Variants in UNC5D observed in about 807,000 individuals in gnomAD.
UNC5D encodes netrin receptor UNC5D.
Under a neutral mutation model 105.4 loss-of-function variants are expected in UNC5D, and 39 were observed. The ratio of observed to expected loss-of-function variants is 0.37; its 90% CI spans 0.29 to 0.48. The LOEUF (loss-of-function observed/expected upper bound fraction) is 0.48, where lower values mean the gene tolerates loss of function less well. Ranked by LOEUF, UNC5D falls within the 20% of genes least tolerant of loss-of-function variation. UNC5D has a pLI of 0.98. For missense variants in UNC5D, 991 were observed against 1,202.4 expected (o/e 0.82, Z 2.60); for synonymous variants, 452 against 450.4 (o/e 1.00, Z -0.04).
intron 1 of UNC5D, among the ~76,000 whole-genome samples, chr8:35,283,043 C>T (rs1806308611): frequency 6.6e-6 from 1 of 152,068 alleles, no homozygotes; most frequent in African/African-American, 2.4e-5. Context: ...GAAATGTGAT[C>T]AACACAAACA....
chr8:35,731,225 C>G, intron 11 of UNC5D, 129 bp downstream of exon 11: 1 of 768,882 alleles, frequency 1.3e-6, no homozygotes, highest in South Asian at 1.7e-5. Flanking sequence ...ATGGCGAAAG[C>G]CTGTCTCTAC....
At chr8:35,405,526 G>T (rs569857273) in intron 1 of UNC5D, among the ~76,000 whole-genome samples, 2 of 152,288 alleles carry the variant, frequency 1.3e-5, no homozygotes, top group Admixed American at 1.3e-4. Flanking sequence ...AATTGGAAAT[G>T]ATTAATTTGC....
intron 8 of UNC5D, 110 bp downstream of exon 8, chr8:35,706,071 C>A (rs1827558616): frequency 1.5e-6 from 1 of 658,378 alleles, no homozygotes; most frequent in Non-Finnish European, 2.4e-6. Context: ...AGATCCAGGG[C>A]TTTCGAGGCC....
At chr8:35,339,199 C>A (rs994754863) in intron 1 of UNC5D, among the ~76,000 whole-genome samples, 3 of 152,054 alleles carry the variant, frequency 2.0e-5, no homozygotes, top group Non-Finnish European at 4.4e-5. Flanking sequence ...TCCTTCCTTC[C>A]CTATTGAGAG....
chr8:35,396,254 G>A (rs145426346), intron 1 of UNC5D, among the ~76,000 whole-genome samples: 10 of 152,060 alleles, frequency 6.6e-5, no homozygotes, highest in African/African-American at 1.2e-4. Context: ...AGGACTCAGC[G>A]TATGGTTGTA....
chr8:35,582,645 A>G (rs1818536355), intron 3 of UNC5D, among the ~76,000 whole-genome samples: 1 of 152,204 alleles, frequency 6.6e-6, no homozygotes, highest in Non-Finnish European at 1.5e-5. Flanking sequence ...GGATGAGGGA[A>G]GAACCAAAAA....
At chr8:35,736,919 G>T (rs1829498614) in intron 11 of UNC5D, among the ~76,000 whole-genome samples, 1 of 152,172 alleles carries the variant, frequency 6.6e-6, no homozygotes, top group Admixed American at 6.5e-5. Flanking sequence ...AGGGGTGAGT[G>T]AGGCTTAAGT....
At chr8:35,576,838 C>T (rs531354745) in intron 3 of UNC5D, among the ~76,000 whole-genome samples, 1 of 152,298 alleles carries the variant, frequency 6.6e-6, no homozygotes, top group Non-Finnish European at 1.5e-5. Flanking sequence ...TGGTCTCGAT[C>T]TCCTGACCTC....
At chr8:35,360,858 C>T (rs1285205384) in intron 1 of UNC5D, among the ~76,000 whole-genome samples, 1 of 152,068 alleles carries the variant, frequency 6.6e-6, no homozygotes, top group African/African-American at 2.4e-5. Flanking sequence ...TAGTTTAAAA[C>T]TCCTACTGTG....
At chr8:35,410,470 A>C (rs1805093878) in intron 1 of UNC5D, among the ~76,000 whole-genome samples, 1 of 152,062 alleles carries the variant, frequency 6.6e-6, no homozygotes, top group Non-Finnish European at 1.5e-5. Context: ...TGTTTTTAAA[A>C]AGGTCCTCTC....
intron 3 of UNC5D, among the ~76,000 whole-genome samples, chr8:35,584,745 G>A (rs1037323698): frequency 2.0e-5 from 3 of 151,860 alleles, no homozygotes; most frequent in Non-Finnish European, 2.9e-5. Context: ...GACACCATGC[G>A]TGACCCTAAC....
chr8:35,288,057 A>G (rs1358395521), intron 1 of UNC5D, among the ~76,000 whole-genome samples: 1 of 151,938 alleles, frequency 6.6e-6, no homozygotes, highest in East Asian at 1.9e-4. Context: ...TTAAGAAAAT[A>G]ATGGCTGAAA....
At chr8:35,586,875 A>G (rs1165483086) in intron 3 of UNC5D, among the ~76,000 whole-genome samples, 3 of 152,190 alleles carry the variant, frequency 2.0e-5, no homozygotes, top group Non-Finnish European at 4.4e-5. Flanking sequence ...GGTGTTGCTG[A>G]GCTGCAAAGA....
intron 1 of UNC5D, among the ~76,000 whole-genome samples, chr8:35,496,963 A>G (rs1317337817): frequency 6.6e-6 from 1 of 152,230 alleles, no homozygotes; most frequent in African/African-American, 2.4e-5. Context: ...CCCATCCTAC[A>G]TTCATGACTG....
chr8:35,401,708 C>T (rs1471818792), intron 1 of UNC5D, among the ~76,000 whole-genome samples: 2 of 152,126 alleles, frequency 1.3e-5, no homozygotes, highest in African/African-American at 2.4e-5. Context: ...AATAAAGAGA[C>T]GTCTTACTAA....
chr8:35,541,736 T>C (rs1036035694), intron 1 of UNC5D, among the ~76,000 whole-genome samples: 1 of 152,200 alleles, frequency 6.6e-6, no homozygotes, highest in Non-Finnish European at 1.5e-5. Context: ...TTATTATTTA[T>C]CTCTATTTTT....
At chr8:35,237,498 T>C (rs1246737798) in intron 1 of UNC5D, among the ~76,000 whole-genome samples, 3 of 152,100 alleles carry the variant, frequency 2.0e-5, no homozygotes, top group African/African-American at 7.2e-5. Flanking sequence ...TACTCACCCT[T>C]GGAATTGGGT....
chr8:35,544,638 T>G, intron 1 of UNC5D: 1 of 1,390,760 alleles, frequency 7.2e-7, no homozygotes, highest in Non-Finnish European at 9.6e-7. Flanking sequence ...AGTCTCAGTC[T>G]TTCACTCAGG....
chr8:35,611,144 A>G (rs1820654114), intron 4 of UNC5D, among the ~76,000 whole-genome samples: 1 of 152,148 alleles, frequency 6.6e-6, no homozygotes, highest in Non-Finnish European at 1.5e-5. Context: ...GATTCTCCCA[A>G]AAAGATGTAA....
Sources: gnomAD v4.1 joint callset for allele counts (sites outside exome capture counted in the v4.1 genomes callset) on GRCh38, gnomAD v4.1.1 for gene constraint, MANE v1.5 for transcripts, NCBI Gene and HGNC (gene_info 2026-07-23, HGNC 2026-07-21) for gene names.